KLKB1: variants seen among roughly 807,000 people sequenced by gnomAD.
The protein encoded by KLKB1 is kallikrein B1, also known as plasma kallikrein.
In KLKB1, 58 loss-of-function variants were observed where a neutral mutation model predicts 73.6. That is an observed-to-expected ratio of 0.79 (90% confidence interval 0.64 to 0.98). KLKB1 has a LOEUF of 0.98. Among genes scored for constraint, KLKB1 ranks in the 50% least tolerant of loss-of-function variants. The pLI, the probability that KLKB1 is intolerant of heterozygous loss-of-function variation, is 0.00. For missense variants in KLKB1, 737 were observed against 763.8 expected (o/e 0.96, Z 0.41); for synonymous variants, 280 against 258.1 (o/e 1.08, Z -0.81).
At chr4:186,211,694 C>CACTT (rs1554075274) in intron 2 of KLKB1, 5 of 22,234 alleles carry the variant, frequency 2.2e-4, no homozygotes, top group African/African-American at 3.7e-4. Context: ...CACACACACA[C>CACTT]ACATACACAC....
At chr4:186,235,143 G>T (rs1419767368) in intron 4 of KLKB1, among the ~76,000 whole-genome samples, 1 of 152,170 alleles carries the variant, frequency 6.6e-6, no homozygotes, top group Non-Finnish European at 1.5e-5. Context: ...TGTAGTCTAC[G>T]TGAGGTGGAG....
rs908406145 is a variant in KLKB1, at chr4:186,258,222, C to T, written c.*10C>T. On this transcript the variant is annotated 3_prime_UTR_variant, in exon 15 of 15. Coordinates refer to ENST00000264690, the MANE Select transcript of KLKB1 (RefSeq NM_000892.5). ...GCAGTCACCAGCATGAGAAGCAGTC[C>T]AGAGTCTAGGCAATTTTTACAACCT... 1.9e-6 allele frequency: 3 copies of T among 1,611,746 alleles called. No homozygotes were observed. The highest frequency in any genetic ancestry group is 2.5e-6 in the Non-Finnish European group (3 of 1,178,866).
intron 12 of KLKB1, among the ~76,000 whole-genome samples, chr4:186,255,048 C>T (rs1189260988): frequency 6.6e-6 from 1 of 152,192 alleles, no homozygotes; most frequent in Non-Finnish European, 1.5e-5. Flanking sequence ...CTGAGAGGCA[C>T]TGGGCTTGCT....
upstream of KLKB1, among the ~76,000 whole-genome samples, chr4:186,226,163 A>G (rs1162241418): frequency 6.6e-6 from 1 of 151,240 alleles, no homozygotes; most frequent in East Asian, 1.9e-4. Flanking sequence ...TTGCTCATGT[A>G]TTGTTTTCCT....
upstream of KLKB1, among the ~76,000 whole-genome samples, chr4:186,225,443 T>A (rs1467856607): frequency 7.8e-3 from 830 of 106,692 alleles, 3 homozygotes; most frequent in Non-Finnish European, 0.011. Context: ...TTTTTTTTTT[T>A]AGATGGAGTC....
chr4:186,249,459 C>T (rs972895116), intron 6 of KLKB1, among the ~76,000 whole-genome samples: 6 of 152,168 alleles, frequency 3.9e-5, no homozygotes, highest in Admixed American at 3.3e-4. Flanking sequence ...TCAGTTCTAT[C>T]CTGTTGACCT....
rs761571853 is a variant in KLKB1, at chr4:186,252,195, G to A, written c.1313+10G>A. 2.5e-6 allele frequency: 4 copies of A among 1,612,968 alleles called. No individual in the cohort carries two copies. The highest frequency in any genetic ancestry group is 3.4e-6 in the Non-Finnish European group (4 of 1,179,624). On this transcript the variant is annotated intron_variant, in intron 11 of 14. Coordinates refer to ENST00000264690, the MANE Select transcript of KLKB1 (RefSeq NM_000892.5). ...CCCACTGCTTTGATGGGTAAGTGTT[G>A]GATGCATCTCATCCAGAGTCTTATC...
In KLKB1 at chr4:186,258,030, G is replaced by C; in HGVS notation, c.1735G>C (p.Gly579Arg). The change falls in exon 15 of 15, where the codon GGT becomes CGT. Residue 579 changes from glycine (G) to arginine (R), a missense_variant. Physicochemically the swap from Gly to Arg is moderately radical, Grantham distance 125. Transcript: ENST00000264690. Reference sequence around the variant, plus strand: ...TTCCACTGTGACTCAGGGAGATTCAGGTGGTCCCTTAGTTTGCAAACACAA... The same window carrying C: ...TTCCACTGTGACTCAGGGAGATTCACGTGGTCCCTTAGTTTGCAAACACAA... ...GGKDACKGDS[G>R]GPLVCKHNGM... is the part of the protein sequence containing the mutation. 6.2e-7 allele frequency: 1 copy of C among 1,613,948 alleles called. No individual in the cohort carries two copies. The highest frequency in any genetic ancestry group is 8.5e-7 in the Non-Finnish European group (1 of 1,179,864).
intron 1 of KLKB1, among the ~76,000 whole-genome samples, chr4:186,227,973 C>T (rs1294827713): frequency 6.6e-6 from 1 of 152,080 alleles, no homozygotes; most frequent in African/African-American, 2.4e-5. Context: ...ATAAACACAA[C>T]AGTAGTCTGG....
chr4:186,241,694 G>GT (rs1052895367), intron 6 of KLKB1, among the ~76,000 whole-genome samples: 1 of 152,068 alleles, frequency 6.6e-6, no homozygotes, highest in Non-Finnish European at 1.5e-5. Context: ...GAAAAAAAAG[G>GT]TTTTTTTATT....
Position 186,250,404 on chromosome 4 carries a change from C to T in KLKB1, c.758+2C>T, listed in dbSNP as rs747964457. ...TGTATGGAAAATCGAGTCACAAAGG[C>T]GAGTATGCATGGAAAATCGCATCAC... On this transcript the variant is annotated splice_donor_variant, in intron 7 of 14. Transcript: ENST00000264690. LOFTEE classifies it low-confidence loss of function (GC_TO_GT_DONOR). 89 of 1,613,548 alleles carry T rather than the reference C, an allele frequency of 5.5e-5. No individual in the cohort carries two copies. The East Asian group carries it at 1.0e-3, about 19-fold the overall frequency.
At chr4:186,220,386 G>A (rs941241406) in intron 2 of KLKB1, among the ~76,000 whole-genome samples, 3 of 152,100 alleles carry the variant, frequency 2.0e-5, no homozygotes, top group African/African-American at 4.8e-5. Flanking sequence ...TCAGGATGAC[G>A]GGAAACAATG....
chr4:186,237,801 T>C (rs1156963802), intron 5 of KLKB1, among the ~76,000 whole-genome samples: 1 of 152,162 alleles, frequency 6.6e-6, no homozygotes, highest in East Asian at 1.9e-4. Flanking sequence ...AAGCTATTTT[T>C]CAACGCCCGC....
chr4:186,258,003 T>C lies in KLKB1; in HGVS notation c.1726-18T>C. ...TTGTCGTAACTTTCTACTATTTTAT[T>C]TTTCCACTGTGACTCAGGGAGATTC... On this transcript the variant is annotated intron_variant, in intron 14 of 14. Transcript: ENST00000264690. 6.2e-7 allele frequency: 1 copy of C among 1,612,848 alleles called. No individual in the cohort carries two copies.
chr4:186,232,261 G>A lies in KLKB1; in HGVS notation c.193G>A (p.Ala65Thr), dbSNP rs1346037745. 2 of 1,614,002 alleles carry A rather than the reference G, an allele frequency of 1.2e-6. No individual in the cohort carries two copies. The highest frequency in any genetic ancestry group is 1.7e-5 in the Admixed American group (1 of 59,996). Residue 65 changes from alanine (A) to threonine (T), a missense_variant, in exon 3 of 15, where the codon GCA becomes ACA. Transcript: ENST00000264690. ...PRCLLFSFLP[A>T]SSINDMEKRF... ...GTGTTTGCTATTCAGTTTTCTTCCAGCAAGTTCAATCAATGACATGGAGAA... is the reference window on the plus strand; with the variant it reads ...GTGTTTGCTATTCAGTTTTCTTCCAACAAGTTCAATCAATGACATGGAGAA...
In KLKB1 at chr4:186,258,419, C is replaced by G; in HGVS notation, c.*207C>G. On this transcript the variant is annotated 3_prime_UTR_variant, in exon 15 of 15. Coordinates refer to ENST00000264690, the MANE Select transcript of KLKB1 (RefSeq NM_000892.5). ...TAACCAGGGGCTGACAATGCGAGGT[C>G]GCAACTGAGATCTCCATGACTGTGT... The G allele has an allele frequency of 8.0e-6, 5 of 627,010 alleles. 1 individual carries two copies. In the South Asian group the frequency reaches 9.1e-5, roughly 11 times the overall value. The allele number at this position is 627,010 out of a possible 1,614,324, so 38.8% of individuals were successfully genotyped here.
intron 2 of KLKB1, among the ~76,000 whole-genome samples, chr4:186,230,848 A>G (rs147865127): frequency 1.3e-5 from 2 of 152,200 alleles, no homozygotes; most frequent in South Asian, 4.1e-4. Flanking sequence ...TCTGAAAAAA[A>G]TAGGCCTTTT....
intron 2 of KLKB1, among the ~76,000 whole-genome samples, chr4:186,214,547 G>T (rs746891039): frequency 1.1e-4 from 17 of 152,172 alleles, no homozygotes; most frequent in Non-Finnish European, 1.6e-4. Context: ...TTAAGAAAAT[G>T]CAGAGTTTTC....
At chr4:186,231,794 T>C (rs1737408369) in intron 2 of KLKB1, among the ~76,000 whole-genome samples, 1 of 152,254 alleles carries the variant, frequency 6.6e-6, no homozygotes, top group Non-Finnish European at 1.5e-5. Context: ...GCAAATATTA[T>C]TCTTTTTAAG....
Sources: allele counts gnomAD v4.1 joint callset (sites outside exome capture counted in the v4.1 genomes callset), GRCh38; gene constraint gnomAD v4.1.1; transcripts MANE v1.5; gene names NCBI Gene and HGNC (gene_info 2026-07-23, HGNC 2026-07-21).